The following TOP6BL variants were observed in gnomAD, a reference collection of about 807,000 sequenced individuals.
TOP6BL encodes type 2 DNA topoisomerase 6 subunit B-like.
the TOP6BL span, among the ~76,000 whole-genome samples, chr11:66,766,230 C>G: frequency 6.6e-6 from 1 of 152,156 alleles, no homozygotes; most frequent in South Asian, 2.1e-4. Flanking sequence ...GAAGAACTAT[C>G]AGCTTTAGTT....
chr11:66,771,770 AG>A, the TOP6BL span: 34 of 154,262 alleles, frequency 2.2e-4, no homozygotes, highest in Non-Finnish European at 4.2e-4. Flanking sequence ...GCAAGTGGAG[AG>A]GACAGTGGAG....
chr11:66,745,045 G>C, the TOP6BL span: 1 of 1,003,082 alleles, frequency 1.0e-6, no homozygotes, highest in Non-Finnish European at 1.3e-6. Context: ...TTCGGGAATC[G>C]AGGCCCGTCT....
the TOP6BL span, among the ~76,000 whole-genome samples, chr11:66,780,614 C>G: frequency 6.6e-6 from 1 of 152,096 alleles, no homozygotes; most frequent in Non-Finnish European, 1.5e-5. Flanking sequence ...GAGTCTCACT[C>G]TCTCACCCAG....
the TOP6BL span, among the ~76,000 whole-genome samples, chr11:66,747,388 T>A: frequency 1.8e-4 from 27 of 152,106 alleles, no homozygotes; most frequent in African/African-American, 3.1e-4. Context: ...CACATATTTT[T>A]ATTTAATTTT....
chr11:66,769,107 A>G, the TOP6BL span, among the ~76,000 whole-genome samples: 1 of 152,130 alleles, frequency 6.6e-6, no homozygotes, highest in Non-Finnish European at 1.5e-5. Flanking sequence ...TTGTCTCCCT[A>G]TAGTGGTATA....
the TOP6BL span, among the ~76,000 whole-genome samples, chr11:66,795,650 C>T: frequency 9.9e-5 from 15 of 151,548 alleles, no homozygotes; most frequent in Non-Finnish European, 2.1e-4. Flanking sequence ...GAGGTCAAAG[C>T]GGTAGGTTTT....
chr11:66,826,787 A>G, the TOP6BL span, among the ~76,000 whole-genome samples: 3 of 151,298 alleles, frequency 2.0e-5, no homozygotes, highest in Non-Finnish European at 2.9e-5. Flanking sequence ...GGTTCAAGCA[A>G]TTCTCCTGCC....
the TOP6BL span, among the ~76,000 whole-genome samples, chr11:66,757,109 G>A: frequency 1.3e-5 from 2 of 152,010 alleles, no homozygotes; most frequent in African/African-American, 4.8e-5. Context: ...TTGGGAGGCT[G>A]AGGCGGGTGG....
At chr11:66,843,018 T>C in the TOP6BL span, 23 of 1,553,580 alleles carry the variant, frequency 1.5e-5, no homozygotes, top group Non-Finnish European at 2.0e-5. Context: ...ACCGCGAGGC[T>C]CACGGCAGGG....
the TOP6BL span, among the ~76,000 whole-genome samples, chr11:66,839,851 G>A: frequency 6.6e-6 from 1 of 152,164 alleles, no homozygotes; most frequent in Non-Finnish European, 1.5e-5. Flanking sequence ...AGATGCTGGG[G>A]TCTTCCACAG....
the TOP6BL span, among the ~76,000 whole-genome samples, chr11:66,792,951 A>T: frequency 6.6e-6 from 1 of 152,222 alleles, no homozygotes; most frequent in Non-Finnish European, 1.5e-5. Context: ...ATTTTATACT[A>T]AAATTTTAAA....
chr11:66,839,550 C>T, the TOP6BL span, among the ~76,000 whole-genome samples: 4 of 152,200 alleles, frequency 2.6e-5, no homozygotes, highest in Non-Finnish European at 5.9e-5. Flanking sequence ...GTCACAACCA[C>T]AACACATACG....
chr11:66,758,984 T>A, the TOP6BL span: 1 of 1,289,514 alleles, frequency 7.8e-7, no homozygotes, highest in Non-Finnish European at 1.1e-6. Flanking sequence ...CTCATTTGAT[T>A]CTTTCAATAG....
the TOP6BL span, among the ~76,000 whole-genome samples, chr11:66,817,684 G>A: frequency 3.9e-5 from 6 of 151,916 alleles, no homozygotes; most frequent in East Asian, 1.9e-4. Context: ...TGATCCACCC[G>A]CCTCAGCCCC....
chr11:66,815,837 A>G, the TOP6BL span: 2 of 449,402 alleles, frequency 4.5e-6, no homozygotes, highest in South Asian at 1.0e-4. Flanking sequence ...CTTGCATTTT[A>G]CACACATAGT....
the TOP6BL span, among the ~76,000 whole-genome samples, chr11:66,745,440 G>A: frequency 6.6e-6 from 1 of 152,198 alleles, no homozygotes; most frequent in African/African-American, 2.4e-5. Flanking sequence ...GACGTGGAAG[G>A]GCGAGGTTCA....
the TOP6BL span, among the ~76,000 whole-genome samples, chr11:66,755,946 C>G: frequency 6.6e-6 from 1 of 152,202 alleles, no homozygotes; most frequent in Non-Finnish European, 1.5e-5. Flanking sequence ...CTTGTCTTAA[C>G]TTGCTGGCAT....
At chr11:66,819,787 C>T in the TOP6BL span, among the ~76,000 whole-genome samples, 1 of 151,816 alleles carries the variant, frequency 6.6e-6, no homozygotes, top group African/African-American at 2.4e-5. Context: ...CCTGTAATCC[C>T]AGCTACTCGG....
the TOP6BL span, chr11:66,843,466 T>G: frequency 7.1e-7 from 1 of 1,414,764 alleles, no homozygotes; most frequent in Non-Finnish European, 9.1e-7. Context: ...ATGGCGGCGC[T>G]GGGCGGGGAT....
Sources: allele counts gnomAD v4.1 joint callset (sites outside exome capture counted in the v4.1 genomes callset), GRCh38; gene constraint gnomAD v4.1.1; transcripts MANE v1.5; gene names NCBI Gene and HGNC (gene_info 2026-07-23, HGNC 2026-07-21).